The following NEXMIF variants were observed in gnomAD, a reference collection of about 807,000 sequenced individuals.
NEXMIF encodes XLMR protein related to neurite extension.
In NEXMIF, 8 loss-of-function variants were observed where a neutral mutation model predicts 62.1. The observed-to-expected ratio is 0.13, with a 90% CI of 0.08 to 0.23. NEXMIF has a LOEUF of 0.23. NEXMIF is among the 10% of genes least tolerant of loss of function. The probability of loss-of-function intolerance (pLI) is 1.00; values close to 1 mark genes in which losing one functional copy is unlikely to be tolerated. For synonymous variants in NEXMIF, 404 were observed against 416.6 expected, an observed-to-expected ratio of 0.97 and a Z score of 0.37; for missense variants, 976 against 1,113.3, an observed-to-expected ratio of 0.88 and a Z score of 1.75.
intron 1 of NEXMIF, among the ~76,000 whole-genome samples, chrX:74,775,358 G>A (rs1245883852): frequency 2.7e-5 from 3 of 111,717 alleles, no homozygotes; most frequent in Non-Finnish European, 3.8e-5. Context: ...CCAGGATACT[G>A]GGCCTTGAAA....
At chrX:74,885,395 G>A (rs6607494) in intron 1 of NEXMIF, among the ~76,000 whole-genome samples, 16,052 of 110,535 alleles carry the variant, frequency 0.15, 1,758 homozygotes, top group East Asian at 0.91. Flanking sequence ...TTGATAGACC[G>A]CTAGCAAGAA....
chrX:74,772,924 T>C (rs750951800), intron 1 of NEXMIF, among the ~76,000 whole-genome samples: 1 of 111,774 alleles, frequency 8.9e-6, no homozygotes, highest in African/African-American at 3.2e-5. Flanking sequence ...TTATACTTTT[T>C]AGCAAGAAAA....
chrX:74,851,230 C>A lies in NEXMIF; in HGVS notation c.-48+73653G>T, dbSNP rs777099701. 5.4e-5 allele frequency among the ~76,000 whole-genome samples: 6 copies of A among 110,728 alleles called. No individual in the cohort carries two copies. In the East Asian group the frequency reaches 1.7e-3, roughly 32 times the overall value. On this transcript the variant is annotated intron_variant, in intron 1 of 3. Transcript: ENST00000055682. ...CAAAACCTACATGACATAAAGGAGA[C>A]CACAAATTGACCAAATACTTGACCT... is the stretch of plus-strand genomic sequence containing the variant.
chrX:74,835,024 G>C (rs749384511), intron 1 of NEXMIF, among the ~76,000 whole-genome samples: 1 of 111,587 alleles, frequency 9.0e-6, no homozygotes, highest in Non-Finnish European at 1.9e-5. Context: ...ACTGTGTATT[G>C]TCAAATAGTC....
chrX:74,796,180 T>TA (rs1176380011), intron 1 of NEXMIF, among the ~76,000 whole-genome samples: 1 of 71,714 alleles, frequency 1.4e-5, no homozygotes, highest in African/African-American at 5.6e-5. Context: ...ATTATATATA[T>TA]ACATATATAT....
chrX:74,805,839 G>T (rs1234270506), intron 1 of NEXMIF, among the ~76,000 whole-genome samples: 2 of 112,076 alleles, frequency 1.8e-5, no homozygotes, highest in East Asian at 5.6e-4. Flanking sequence ...ATTGGTCAAT[G>T]TGTCTGTTTT....
intron 1 of NEXMIF, among the ~76,000 whole-genome samples, chrX:74,874,678 G>C (rs1195131302): frequency 1.1e-5 from 1 of 91,607 alleles, no homozygotes; most frequent in African/African-American, 4.2e-5. Context: ...TTGAGCAGTG[G>C]TTTGTAGTTC....
intron 1 of NEXMIF, among the ~76,000 whole-genome samples, chrX:74,759,604 A>G (rs926148337): frequency 8.9e-6 from 1 of 112,142 alleles, no homozygotes; most frequent in African/African-American, 3.2e-5. Context: ...TCTTCTGCCT[A>G]TATCTAGACA....
chrX:74,788,811 G>T (rs1407440678), intron 1 of NEXMIF, among the ~76,000 whole-genome samples: 3 of 110,221 alleles, frequency 2.7e-5, no homozygotes, highest in Non-Finnish European at 5.7e-5. Context: ...AAAAGGGAAG[G>T]GGGTAGAGTG....
At chrX:74,817,287 C>T (rs1283106490) in intron 1 of NEXMIF, among the ~76,000 whole-genome samples, 1 of 111,772 alleles carries the variant, frequency 8.9e-6, no homozygotes, top group African/African-American at 3.3e-5. Flanking sequence ...GCATTAATGC[C>T]ATGGCCTAAG....
chrX:74,890,630 C>G (rs1267390087), intron 1 of NEXMIF, among the ~76,000 whole-genome samples: 1 of 111,669 alleles, frequency 9.0e-6, no homozygotes, highest in Non-Finnish European at 1.9e-5. Flanking sequence ...CAACAGAACC[C>G]GCAGCCACAT....
chrX:74,875,673 C>T (rs1434542041), intron 1 of NEXMIF, among the ~76,000 whole-genome samples: 3 of 111,809 alleles, frequency 2.7e-5, no homozygotes, highest in South Asian at 3.7e-4. Flanking sequence ...AATTTCCGAG[C>T]GTGTTATTGG....
rs139194076 is a variant in NEXMIF at position 74,742,418 on chromosome X, C to T, written c.2139G>A (p.Glu713=). ...KAQDTEFKGP[E]RKVLNKIKFK... ...ATTTGATTTTATTGAGCACTTTCCT[C>T]TCTGGCCCCTTAAACTCTGTGTCTT... is the stretch of plus-strand genomic sequence containing the variant. Residue 713 remains glutamate, a synonymous_variant, in exon 3 of 4, where the codon GAG becomes GAA. Transcript: ENST00000055682. The T allele has an allele frequency of 4.8e-4, 578 of 1,209,683 alleles. 1 individual carries two copies. The highest frequency in any genetic ancestry group is 2.2e-4 in the Non-Finnish European group (200 of 895,170).
chrX:74,767,048 T>C (rs1212365446), intron 1 of NEXMIF, among the ~76,000 whole-genome samples: 4 of 112,093 alleles, frequency 3.6e-5, no homozygotes, highest in African/African-American at 6.5e-5. Context: ...CCTCATGGAC[T>C]CTCCAAAGCC....
chrX:74,806,804 A>T (rs1397284100), intron 1 of NEXMIF, among the ~76,000 whole-genome samples: 1 of 112,463 alleles, frequency 8.9e-6, no homozygotes, highest in Non-Finnish European at 1.9e-5. Context: ...TTGTCCCAGA[A>T]ACTATTTGTT....
intron 1 of NEXMIF, among the ~76,000 whole-genome samples, chrX:74,808,386 AAAGT>A (rs1182163858): frequency 3.6e-5 from 4 of 111,764 alleles, no homozygotes; most frequent in Non-Finnish European, 7.5e-5. Context: ...CCTGGGTGAC[AAAGT>A]GAGTGAGACT....
chrX:74,750,683 T>C (rs759004984), intron 1 of NEXMIF, among the ~76,000 whole-genome samples: 1 of 111,717 alleles, frequency 9.0e-6, no homozygotes, highest in South Asian at 3.8e-4. Flanking sequence ...CACATTCTAA[T>C]CCATAACTCT....
At chrX:74,769,668 G>A (rs1449461760) in intron 1 of NEXMIF, 2 of 715,555 alleles carry the variant, frequency 2.8e-6, no homozygotes. Flanking sequence ...TCTGTGGCAA[G>A]GCTGGAAAAG....
intron 1 of NEXMIF, among the ~76,000 whole-genome samples, chrX:74,781,217 C>T (rs975614376): frequency 8.9e-6 from 1 of 112,016 alleles, no homozygotes; most frequent in African/African-American, 3.2e-5. Flanking sequence ...TTTCACTGCT[C>T]TCCGGAGAAA....
Sources: allele counts gnomAD v4.1 joint callset (sites outside exome capture counted in the v4.1 genomes callset), GRCh38; gene constraint gnomAD v4.1.1; transcripts MANE v1.5; gene names NCBI Gene and HGNC (gene_info 2026-07-23, HGNC 2026-07-21).